Variants in CILP2 observed in about 807,000 individuals in gnomAD.
CILP2 encodes the protein CILP-2.
Under a neutral mutation model 45.6 loss-of-function variants are expected in CILP2, and 38 were observed. That is an observed-to-expected ratio of 0.83 (90% CI 0.64 to 1.09). The LOEUF (loss-of-function observed/expected upper bound fraction) is 1.09. Ranked by LOEUF, CILP2 falls within the 50% of genes least tolerant of loss-of-function variation. CILP2 has a pLI of 0.00. For missense variants in CILP2, 1,735 were observed against 1,662.2 expected (o/e 1.04, Z -0.76); for synonymous variants, 780 against 723.5 (o/e 1.08, Z -1.25).
intron 5 of CILP2, 93 bp from the exon 6 acceptor site, chr19:19,542,771 G>C: frequency 6.4e-7 from 1 of 1,573,892 alleles, no homozygotes; most frequent in Non-Finnish European, 8.7e-7. Flanking sequence ...CACAGAGTGA[G>C]TCGGCATTTC....
intron 1 of CILP2, 93 bp downstream of exon 1, chr19:19,538,506 AG>A (rs1310701840): frequency 9.7e-7 from 1 of 1,034,298 alleles, no homozygotes; most frequent in Non-Finnish European, 1.3e-6. Context: ...GAGAGAACCC[AG>A]GGACCCACGC....
In CILP2 at chr19:19,545,102, G is replaced by T; in HGVS notation, c.2557G>T (p.Ala853Ser). ...CCGTCGGACGGACCACGACGATCCC[G>T]CCTTCAAGCGTAACGGCTTCCGCAT... Reference protein sequence around the residue: ...GYRRTDHDDPAFKRNGFRINL... With the variant: ...GYRRTDHDDPSFKRNGFRINL... The change falls in exon 8 of 8, where the codon GCC (alanine) becomes TCC (serine). Residue 853 changes from alanine (A) to serine (S), a missense_variant. Coordinates refer to ENST00000291495, the MANE Select transcript of CILP2 (RefSeq NM_153221.2). 2 of 1,611,480 alleles carry T rather than the reference G, an allele frequency of 1.2e-6. No individual in the cohort carries two copies. The highest frequency in any genetic ancestry group is 2.2e-5 in the South Asian group (2 of 90,956).
Position 19,542,466 on chromosome 19 carries a change from C to T in CILP2, c.684C>T (p.Val228=), listed in dbSNP as rs574006751. The change falls in exon 5 of 8, where the codon GTC becomes GTT. Residue 228 remains valine (V), a synonymous_variant. Transcript: ENST00000291495. ...PSGQPLLGAR[V]SLRDQPGTVA... Reference sequence around the variant, plus strand: ...GGCAACCACTGCTAGGAGCCAGGGTCTCCCTGCGAGACCAGCCTGGCACTG... The same window carrying T: ...GGCAACCACTGCTAGGAGCCAGGGTTTCCCTGCGAGACCAGCCTGGCACTG... 16 of 1,613,302 alleles carry T rather than the reference C, an allele frequency of 9.9e-6. 1 individual carries two copies. In the South Asian group the frequency reaches 1.8e-4, roughly 18 times the overall value.
At chr19:19,538,479 G>GT (rs2061230977) in intron 1 of CILP2, 66 bp downstream of exon 1, 1 of 1,289,988 alleles carries the variant, frequency 7.8e-7, no homozygotes. Flanking sequence ...CCGGCCTTGG[G>GT]TGAAGCCGCA....
Position 19,540,688 on chromosome 19 carries a change from C to CG in CILP2, c.436+216dup. The stretch of plus-strand genomic sequence containing the variant: ...TTGAAGAGAGGCGCTGGGAACAGCG[C>CG]GGGGCCCAAGTGCACCGTCAGGAGG... On this transcript the variant is annotated intron_variant, in intron 3 of 7. Coordinates refer to ENST00000291495, the MANE Select transcript of CILP2 (RefSeq NM_153221.2). 5.1e-6 allele frequency: 3 copies of CG among 592,284 alleles called. No homozygotes were observed. In the South Asian group the frequency reaches 9.5e-5, roughly 19 times the overall value. 36.7% of individuals were successfully genotyped at this position (592,284 alleles called of 1,614,324 possible). A position where few individuals can be genotyped will look rare whatever the true frequency, so the allele number is the denominator to read the frequency against.
At position 19,544,723 on chromosome 19, in the gene CILP2, G is replaced by C; in HGVS notation, c.2178G>C (p.Leu726=). 1 of 1,599,562 alleles carries C rather than the reference G, an allele frequency of 6.3e-7. No individual in the cohort carries two copies. Among genetic ancestry groups the C allele is most frequent in the Non-Finnish European group, 8.5e-7 (1 of 1,176,954 alleles). Residue 726 remains leucine (L), a synonymous_variant, in exon 8 of 8, where the codon CTG becomes CTC. Coordinates refer to ENST00000291495, the MANE Select transcript of CILP2 (RefSeq NM_153221.2). ...ACGTGGAGATCCGGGAGCGGCGCCT[G>C]TTCAATCTGGACGTGCCTGAGCGCC... The part of the protein sequence containing the change: ...VGNVEIRERR[L]FNLDVPERRR...
chr19:19,545,891 C>G lies in CILP2; in HGVS notation c.3346C>G (p.Gln1116Glu), dbSNP rs1439836742. ...EPPAGRPSLF[Q>E]RLLESPATAL... ...ACCGGCCGGACGACCCAGCCTCTTC[C>G]AGAGGCTGCTGGAGTCCCCGGCGAC... The change falls in exon 8 of 8, where the codon CAG (glutamine) becomes GAG (glutamate). Residue 1116 changes from glutamine to glutamate, a missense_variant. Physicochemically the swap from Gln to Glu is conservative, Grantham distance 29. Transcript: ENST00000291495. The G allele has an allele frequency of 6.3e-7, 1 of 1,586,422 alleles. No homozygotes were observed. Among genetic ancestry groups the G allele is most frequent in the Non-Finnish European group, 8.6e-7 (1 of 1,161,106 alleles).
rs763214029 is a variant in CILP2 at position 19,545,993 on chromosome 19, C to G, written c.3448C>G (p.Arg1150Gly). The G allele has an allele frequency of 2.0e-6, 3 of 1,501,492 alleles. No homozygotes were observed. The highest frequency in any genetic ancestry group is 2.7e-6 in the Non-Finnish European group (3 of 1,125,270). 93.0% of individuals were successfully genotyped at this position (1,501,492 alleles called of 1,614,324 possible). The change falls in exon 8 of 8, where the codon CGC becomes GGC. Residue 1150 changes from arginine (R) to glycine (G), a missense_variant. Transcript: ENST00000291495. The stretch of plus-strand genomic sequence containing the variant: ...CCGGGCCTCAGGTCCCCTCCGCACC[C>G]GCCGGGGTAGGGTCCGGCAGTGACC... Reference protein sequence around the residue: ...QARASGPLRTRRGRVRQ With the variant: ...QARASGPLRTGRGRVRQ
At chr19:19,542,733 T>C (rs2144677582) in intron 5 of CILP2, 83 bp downstream of exon 5, 1 of 1,592,360 alleles carries the variant, frequency 6.3e-7, no homozygotes, top group South Asian at 1.1e-5. Context: ...GAGGAAGAAA[T>C]GAGATGTGAC....
intron 7 of CILP2, 37 bp downstream of exon 7, chr19:19,543,442 A>G: frequency 6.2e-7 from 1 of 1,609,366 alleles, no homozygotes; most frequent in Non-Finnish European, 8.5e-7. Flanking sequence ...GCAAGCCTTC[A>G]CCCAAACGGA....
chr19:19,541,709 C>G (rs1264981333), intron 4 of CILP2, among the ~76,000 whole-genome samples: 1 of 152,200 alleles, frequency 6.6e-6, no homozygotes, highest in Non-Finnish European at 1.5e-5. Context: ...CAGCCCCCAC[C>G]CCGGTCCCCC....
chr19:19,540,374 C>A lies in CILP2; in HGVS notation c.334C>A (p.Arg112Ser). 6.5e-7 allele frequency: 1 copy of A among 1,543,778 alleles called. No individual in the cohort carries two copies. The change falls in exon 3 of 8, where the codon CGC (arginine) becomes AGC (serine). Residue 112 changes from arginine to serine, a missense_variant. Arg to Ser is a moderately radical substitution (Grantham distance 110, BLOSUM62 -1). Coordinates refer to ENST00000291495, the MANE Select transcript of CILP2 (RefSeq NM_153221.2). The part of the protein sequence containing the change: ...DWALPSAVGE[R>S]VHLNPTRGFW... The stretch of plus-strand genomic sequence containing the variant: ...GGCCCTGCCGTCCGCCGTCGGCGAG[C>A]GCGTGCACTTGAACCCCACGCGCGG...
At position 19,545,913 on chromosome 19, in the gene CILP2, C is replaced by T. The variant is rs1048919792; in HGVS notation, c.3368C>T (p.Ala1123Val). The T allele has an allele frequency of 2.5e-6, 4 of 1,581,520 alleles. No individual in the cohort carries two copies. The highest frequency in any genetic ancestry group is 2.7e-5 in the African/African-American group (2 of 73,952). Residue 1123 changes from alanine to valine, a missense_variant, in exon 8 of 8, where the codon GCG becomes GTG. Coordinates refer to ENST00000291495, the MANE Select transcript of CILP2 (RefSeq NM_153221.2). ...TTCCAGAGGCTGCTGGAGTCCCCGG[C>T]GACAGCACTTGGTGACATCCGCAGG... ...SLFQRLLESP[A>V]TALGDIRREM...
rs762797413 is a variant in CILP2 at position 19,544,852 on chromosome 19, C to A, written c.2307C>A (p.Pro769=). ...VVTLVNLEPA[P]GFSANPRAWG... is the part of the protein sequence containing the mutation. ...CGCTGGTCAATCTGGAGCCCGCCCCCGGCTTCTCCGCCAACCCCCGTGCCT... is the reference window on the plus strand; with the variant it reads ...CGCTGGTCAATCTGGAGCCCGCCCCAGGCTTCTCCGCCAACCCCCGTGCCT... The change falls in exon 8 of 8, where the codon CCC becomes CCA. Residue 769 remains proline (P), a synonymous_variant. Coordinates refer to ENST00000291495, the MANE Select transcript of CILP2 (RefSeq NM_153221.2). The A allele has an allele frequency of 7.5e-6, 12 of 1,597,414 alleles. No homozygotes were observed. Among genetic ancestry groups the A allele is most frequent in the Non-Finnish European group, 1.0e-5 (12 of 1,178,402 alleles).
rs951181519 is a variant in CILP2, at chr19:19,542,268, T to TG, written c.593-100dup. The TG allele has an allele frequency of 2.6e-4, 342 of 1,338,068 alleles. No homozygotes were observed. The East Asian group carries it at 2.8e-3, about 11-fold the overall frequency. The allele number at this position is 1,338,068 out of a possible 1,614,324, so 82.9% of individuals were successfully genotyped here. ...GCTGAGGCCTCTGAGAGGCACCTTA[T>TG]GGGGGGGCCCCAGGCATATTTGTTG... On this transcript the variant is annotated intron_variant, in intron 4 of 7. Coordinates refer to ENST00000291495, the MANE Select transcript of CILP2 (RefSeq NM_153221.2).
chr19:19,544,434 G>A lies in CILP2; in HGVS notation c.1889G>A (p.Ser630Asn). The A allele has an allele frequency of 6.2e-7, 1 of 1,609,932 alleles. No individual in the cohort carries two copies. Among genetic ancestry groups the A allele is most frequent in the South Asian group, 1.1e-5 (1 of 91,040 alleles). ...CCCAGTGACCTGCGCTTCGTGGACA[G>A]CGACGGCGAGCTGGCTCCACTGCGC... ...SAPSDLRFVD[S>N]DGELAPLRTY... is the part of the protein sequence containing the mutation. Residue 630 changes from serine to asparagine, a missense_variant, in exon 8 of 8, where the codon AGC (serine) becomes AAC (asparagine). Transcript: ENST00000291495.
chr19:19,545,466 A>T lies in CILP2; in HGVS notation c.2921A>T (p.Asp974Val). Residue 974 changes from aspartate (D) to valine (V), a missense_variant, in exon 8 of 8, where the codon GAT (aspartate) becomes GTT (valine). Asp to Val is a radical substitution (Grantham distance 152). Coordinates refer to ENST00000291495, the MANE Select transcript of CILP2 (RefSeq NM_153221.2). ...CGCGGCCAGCTCTACGGACTTCGGGATGCCCGGAGTGTGCGAGACCCCGAG... is the reference window on the plus strand; with the variant it reads ...CGCGGCCAGCTCTACGGACTTCGGGTTGCCCGGAGTGTGCGAGACCCCGAG... ...RTRGQLYGLRDARSVRDPERP... is the reference protein window; with the variant it reads ...RTRGQLYGLRVARSVRDPERP... 6.2e-7 allele frequency: 1 copy of T among 1,612,236 alleles called. No individual in the cohort carries two copies. Among genetic ancestry groups the T allele is most frequent in the Non-Finnish European group, 8.5e-7 (1 of 1,179,628 alleles).
Position 19,540,223 on chromosome 19 carries a change from C to T in CILP2, c.183C>T (p.Ser61=). Residue 61 remains serine (S), a synonymous_variant, in exon 3 of 8, where the codon TCC becomes TCT. Coordinates refer to ENST00000291495, the MANE Select transcript of CILP2 (RefSeq NM_153221.2). ...CCGCAGAGGCCAGCGAGTGGACGTCCTGGTTCAACGTGGACCACCCCGGAG... is the reference window on the plus strand; with the variant it reads ...CCGCAGAGGCCAGCGAGTGGACGTCTTGGTTCAACGTGGACCACCCCGGAG... The part of the protein sequence containing the change: ...EDWEEASEWT[S]WFNVDHPGGD... 2.5e-6 allele frequency: 4 copies of T among 1,595,930 alleles called. No homozygotes were observed. The highest frequency in any genetic ancestry group is 3.4e-6 in the Non-Finnish European group (4 of 1,174,126).
chr19:19,543,686 G>T lies in CILP2; in HGVS notation c.1141G>T (p.Gly381Cys). The T allele has an allele frequency of 6.3e-7, 1 of 1,590,674 alleles. No individual in the cohort carries two copies. Among genetic ancestry groups the T allele is most frequent in the Non-Finnish European group, 8.6e-7 (1 of 1,166,036 alleles). Residue 381 changes from glycine (G) to cysteine (C), a missense_variant, in exon 8 of 8, where the codon GGC (glycine) becomes TGC (cysteine). Gly to Cys is a radical substitution (Grantham distance 159). Transcript: ENST00000291495. ...GTARLTVLAPGQPACDPRPRE... is the reference protein window; with the variant it reads ...GTARLTVLAPCQPACDPRPRE... ...CATGTTTTCTTTGTCCCCAGCCCCA[G>T]GCCAGCCAGCCTGCGACCCCCGGCC...
Sources: gnomAD v4.1 joint callset for allele counts (sites outside exome capture counted in the v4.1 genomes callset) on GRCh38, gnomAD v4.1.1 for gene constraint, MANE v1.5 for transcripts, NCBI Gene and HGNC (gene_info 2026-07-23, HGNC 2026-07-21) for gene names.